Variants in RBMX observed in about 807,000 individuals in gnomAD.
The protein encoded by RBMX is RNA binding motif protein X-linked.
RBMX carries 1 observed loss-of-function variant against 29.3 expected under a neutral mutation model. The observed-to-expected ratio is 0.03, with a 90% CI of 0.01 to 0.16. The LOEUF is 0.16. Ranked by LOEUF, RBMX falls within the 10% of genes least tolerant of loss-of-function variation. The pLI, the probability that RBMX is intolerant of heterozygous loss-of-function variation, is 1.00. For missense variants in RBMX, 121 were observed against 333.2 expected, an observed-to-expected ratio of 0.36 and a Z score of 4.96; for synonymous variants, 102 against 102.3, an observed-to-expected ratio of 1.00 and a Z score of 0.02.
Position 136,875,326 on chromosome X carries a change from T to C in RBMX, c.714A>G (p.Pro238=). The C allele has an allele frequency of 8.3e-7, 1 of 1,211,504 alleles. No homozygotes were observed. Among genetic ancestry groups the C allele is most frequent in the East Asian group, 3.0e-5 (1 of 33,843 alleles). Residue 238 remains proline, a synonymous_variant, in exon 7 of 9, where the codon CCA becomes CCG. Coordinates refer to ENST00000320676, the MANE Select transcript of RBMX (RefSeq NM_002139.4). ...SRDTRDYAPP[P]RDYTYRDYGH... is the part of the protein sequence containing the mutation. Reference sequence around the variant, plus strand: ...CATAATCACGGTAAGTATAATCTCGTGGTGGTGGTGCATAATCTCTAGTAT... The same window carrying C: ...CATAATCACGGTAAGTATAATCTCGCGGTGGTGGTGCATAATCTCTAGTAT...
In RBMX at chrX:136,879,539, T is replaced by C. The variant is rs2077775841; in HGVS notation, c.-26-86A>G. The C allele has an allele frequency of 8.8e-6, 7 of 795,539 alleles. No individual in the cohort carries two copies. The South Asian group carries it at 1.6e-4, about 18-fold the overall frequency. 65.6% of individuals were successfully genotyped at this position (795,539 alleles called of 1,213,427 possible). On this transcript the variant is annotated intron_variant, in intron 1 of 8. Coordinates refer to ENST00000320676, the MANE Select transcript of RBMX (RefSeq NM_002139.4). ...TTACTTTCGCACATTTCTCATATTTTCCACTAAAACCATTGTTCCTTAATA... is the reference window on the plus strand; with the variant it reads ...TTACTTTCGCACATTTCTCATATTTCCCACTAAAACCATTGTTCCTTAATA...
chrX:136,872,154 C>A, downstream of RBMX: 1 of 549,083 alleles, frequency 1.8e-6, no homozygotes, highest in Non-Finnish European at 3.0e-6. Flanking sequence ...TTCCAAGCAG[C>A]GTTTTCTTTT....
At chrX:136,871,274 T>C (rs1393331847), downstream of RBMX, among the ~76,000 whole-genome samples, 3 of 107,273 alleles carry the variant, frequency 2.8e-5, no homozygotes, top group Non-Finnish European at 3.9e-5. Context: ...ACCCCATCTC[T>C]ACTAAAAATA....
At chrX:136,874,494 T>C in intron 8 of RBMX, 42 bp from the exon 9 acceptor site, 2 of 1,170,911 alleles carry the variant, frequency 1.7e-6, no homozygotes, top group African/African-American at 1.8e-5. Flanking sequence ...CACTATAAAT[T>C]GTATATATAC....
At chrX:136,870,875 G>A (rs2077679938), downstream of RBMX, among the ~76,000 whole-genome samples, 1 of 108,559 alleles carries the variant, frequency 9.2e-6, no homozygotes, top group Non-Finnish European at 1.9e-5. Flanking sequence ...GGGAGGTCGA[G>A]GCGGGCGGAT....
chrX:136,878,805 TACGAGC>T (rs1374327059), intron 3 of RBMX, among the ~76,000 whole-genome samples: 1 of 109,470 alleles, frequency 9.1e-6, no homozygotes, highest in East Asian at 2.8e-4. Context: ...GAGAGAATGT[TACGAGC>T]ATAAGATATA....
In RBMX at chrX:136,873,541, G is replaced by A. The variant is rs2077697134; in HGVS notation, c.*601C>T. The A allele has an allele frequency of 1.3e-5, 10 of 750,995 alleles. 1 individual carries two copies. The South Asian group carries it at 4.8e-4, about 36-fold the overall frequency. The allele number at this position is 750,995 out of a possible 1,213,427, so 61.9% of individuals were successfully genotyped here. On this transcript the variant is annotated 3_prime_UTR_variant, in exon 9 of 9. Coordinates refer to ENST00000320676, the MANE Select transcript of RBMX (RefSeq NM_002139.4). The stretch of plus-strand genomic sequence containing the variant: ...AATGGTCTTATTGGGGGAAGGGAAA[G>A]GGGAGGTTCTTGCAGATTCCCAAGG...
At chrX:136,871,821 T>TG (rs1346196375), downstream of RBMX, among the ~76,000 whole-genome samples, 3 of 102,338 alleles carry the variant, frequency 2.9e-5, no homozygotes. Flanking sequence ...GTTTTTTTTT[T>TG]TTTTTTTTTT....
chrX:136,880,303 A>G (rs1217477135), intron 1 of RBMX, among the ~76,000 whole-genome samples: 1 of 112,229 alleles, frequency 8.9e-6, no homozygotes, highest in African/African-American at 3.2e-5. Context: ...CGCCAGCGCC[A>G]TACCAATGCA....
downstream of RBMX, chrX:136,872,127 G>A: frequency 2.1e-6 from 1 of 475,611 alleles, no homozygotes; most frequent in Non-Finnish European, 3.6e-6. Context: ...ACACATTAAA[G>A]CACTTAACTT....
Position 136,879,467 on chromosome X carries a change from A to G in RBMX, c.-26-14T>C, listed in dbSNP as rs772978017. On this transcript the variant is annotated splice_polypyrimidine_tract_variant and intron_variant, in intron 1 of 8. Transcript: ENST00000320676. ...GGGCCGGTGAGTCTGTTGAAAAGGAATAGTATTACCTCACTGCAAAAAGTT... is the reference window on the plus strand; with the variant it reads ...GGGCCGGTGAGTCTGTTGAAAAGGAGTAGTATTACCTCACTGCAAAAAGTT... The G allele has an allele frequency of 2.6e-6, 3 of 1,135,073 alleles. No homozygotes were observed. The highest frequency in any genetic ancestry group is 3.0e-5 in the East Asian group (1 of 33,499). The allele number at this position is 1,135,073 out of a possible 1,213,427, so 93.5% of individuals were successfully genotyped here. A position where few individuals can be genotyped will look rare whatever the true frequency, so the allele number is the denominator to read the frequency against.
At chrX:136,877,328 A>AC (rs765225668) in intron 4 of RBMX, among the ~76,000 whole-genome samples, 4,263 of 25,202 alleles carry the variant, frequency 0.17, 703 homozygotes, top group South Asian at 0.36. Context: ...GCTAAACTCT[A>AC]CCCCCCCCCC....
At chrX:136,878,185 TG>T in intron 3 of RBMX, 99 bp from the exon 4 acceptor site, 1 of 751,507 alleles carries the variant, frequency 1.3e-6, no homozygotes, top group Non-Finnish European at 1.9e-6. Context: ...AATGCAGTTA[TG>T]GGTAAGTGTT....
intron 1 of RBMX, 30 bp downstream of exon 1, chrX:136,880,566 GA>G: frequency 8.7e-6 from 1 of 115,512 alleles, no homozygotes. Flanking sequence ...AGAGTGTCAC[GA>G]AAAACGGACT....
chrX:136,879,297 C>G, intron 2 of RBMX, 22 bp downstream of exon 2: 1 of 1,203,454 alleles, frequency 8.3e-7, no homozygotes, highest in South Asian at 1.8e-5. Flanking sequence ...AATAGCCCAG[C>G]CTGTACTGCC....
chrX:136,870,642 C>A (rs2077678134), downstream of RBMX, among the ~76,000 whole-genome samples: 1 of 109,356 alleles, frequency 9.1e-6, no homozygotes, highest in Admixed American at 9.9e-5. Flanking sequence ...ACCAGCCTGG[C>A]CAACACAGTG....
chrX:136,879,448 G>A lies in RBMX; in HGVS notation c.-21C>T, dbSNP rs781489347. On this transcript the variant is annotated 5_prime_UTR_variant, in exon 2 of 9. Transcript: ENST00000320676. Reference sequence around the variant, plus strand: ...ACCATGTTTTTTTTTTTTTGGGCCGGTGAGTCTGTTGAAAAGGAATAGTAT... The same window carrying A: ...ACCATGTTTTTTTTTTTTTGGGCCGATGAGTCTGTTGAAAAGGAATAGTAT... 1.9e-6 allele frequency: 2 copies of A among 1,059,411 alleles called. No homozygotes were observed. Among genetic ancestry groups the A allele is most frequent in the African/African-American group, 3.8e-5 (2 of 52,307 alleles). The allele number at this position is 1,059,411 out of a possible 1,213,427, so 87.3% of individuals were successfully genotyped here.
At position 136,879,035 on chromosome X, in the gene RBMX, G is replaced by C. The variant is rs2077769911; in HGVS notation, c.198C>G (p.Ala66=). 8.3e-7 allele frequency: 1 copy of C among 1,208,744 alleles called. No individual in the cohort carries two copies. The highest frequency in any genetic ancestry group is 2.2e-5 in the Admixed American group (1 of 45,675). Residue 66 remains alanine, a synonymous_variant, in exon 3 of 9, where the codon GCC becomes GCG. Transcript: ENST00000320676. ...ATCTCACCTTTCCATTCATGTCTCTGGCTGCATCCTTAGCGTCTGCTGGGC... is the reference window on the plus strand; with the variant it reads ...ATCTCACCTTTCCATTCATGTCTCTCGCTGCATCCTTAGCGTCTGCTGGGC... ...FESPADAKDA[A]RDMNGKSLDG... is the part of the protein sequence containing the mutation.
chrX:136,878,155 G>A (rs970972496), intron 3 of RBMX, 69 bp from the exon 4 acceptor site: 195 of 913,441 alleles, frequency 2.1e-4, no homozygotes, highest in Non-Finnish European at 2.7e-4. Flanking sequence ...TATGCACTAA[G>A]ACACTAACTG....
Sources: gnomAD v4.1 joint callset for allele counts (sites outside exome capture counted in the v4.1 genomes callset) on GRCh38, gnomAD v4.1.1 for gene constraint, MANE v1.5 for transcripts, NCBI Gene and HGNC (gene_info 2026-07-23, HGNC 2026-07-21) for gene names.